RARB: variants seen among roughly 807,000 people sequenced by gnomAD.
RARB encodes retinoic acid receptor beta.
A neutral mutation model predicts 51.9 loss-of-function variants in RARB; 17 were observed. The observed-to-expected ratio is 0.33, with a 90% CI of 0.22 to 0.49. The LOEUF (loss-of-function observed/expected upper bound fraction) is 0.49. Ranked by LOEUF, RARB falls within the 20% of genes least tolerant of loss-of-function variation. The pLI, the probability that RARB is intolerant of heterozygous loss-of-function variation, is 0.99. For synonymous variants in RARB, 215 were observed against 195.4 expected, an observed-to-expected ratio of 1.10 and a Z score of -0.84; for missense variants, 369 against 550.8, an observed-to-expected ratio of 0.67 and a Z score of 3.30.
chr3:25,386,353 G>C (rs370159534), intron 5 of RARB, among the ~76,000 whole-genome samples: 1 of 152,208 alleles, frequency 6.6e-6, no homozygotes, highest in Non-Finnish European at 1.5e-5. Flanking sequence ...AGGTTAACAG[G>C]AGCTAGCATG....
In RARB at chr3:25,224,514, C is replaced by T. The variant is rs572489625; in HGVS notation, c.178+49939C>T. On this transcript the variant is annotated intron_variant, in intron 5 of 11. Coordinates refer to the RARB transcript ENST00000383772. Reference sequence around the variant, plus strand: ...ATTAATTATATGCCTTAAATGAAACCTTTGGCCTTTAAGATGTTTTCTCTC... The same window carrying T: ...ATTAATTATATGCCTTAAATGAAACTTTTGGCCTTTAAGATGTTTTCTCTC... Among the ~76,000 whole-genome samples, 35 of 152,244 alleles carry T rather than the reference C, an allele frequency of 2.3e-4. 1 individual carries two copies. In the South Asian group the frequency reaches 6.6e-3, roughly 29 times the overall value.
intron 5 of RARB, among the ~76,000 whole-genome samples, chr3:25,291,501 A>C (rs322671): frequency 7.1e-6 from 1 of 141,470 alleles, no homozygotes; most frequent in Non-Finnish European, 1.5e-5. Context: ...TTTTGAACAC[A>C]CACGGCTTGT....
At chr3:25,031,061 T>TA (rs1334768643) in intron 2 of RARB, among the ~76,000 whole-genome samples, 1 of 152,154 alleles carries the variant, frequency 6.6e-6, no homozygotes, top group African/African-American at 2.4e-5. Flanking sequence ...TGGGGCATGA[T>TA]ATGTTTTGTT....
chr3:24,860,378 G>A (rs1194547307), intron 2 of RARB, among the ~76,000 whole-genome samples: 1 of 152,180 alleles, frequency 6.6e-6, no homozygotes. Flanking sequence ...AACAGGACAT[G>A]AGAGAGTTGT....
Position 25,596,432 on chromosome 3 carries a change from T to C in RARB, c.1163T>C (p.Val388Ala), listed in dbSNP as rs1559485276. The C allele has an allele frequency of 6.2e-7, 1 of 1,611,500 alleles. No homozygotes were observed. The highest frequency in any genetic ancestry group is 1.1e-5 in the South Asian group (1 of 91,018). Residue 388 changes from valine to alanine, a missense_variant, in exon 8 of 8, where the codon GTA becomes GCA. Transcript: ENST00000330688. Reference sequence around the variant, plus strand: ...CTCTTTTGAAAAGGTGCAGAGCGTGTAATTACCTTGAAAATGGAAATTCCT... The same window carrying C: ...CTCTTTTGAAAAGGTGCAGAGCGTGCAATTACCTTGAAAATGGAAATTCCT... ...RSISAKGAER[V>A]ITLKMEIPGS...
At chr3:25,028,967 C>T (rs1335229894) in intron 2 of RARB, among the ~76,000 whole-genome samples, 2 of 152,202 alleles carry the variant, frequency 1.3e-5, no homozygotes, top group African/African-American at 2.4e-5. Flanking sequence ...GCCTGTTTGC[C>T]GCTGGCAAAG....
chr3:25,214,063 T>C (rs1199463017), intron 5 of RARB, among the ~76,000 whole-genome samples: 1 of 152,234 alleles, frequency 6.6e-6, no homozygotes, highest in Non-Finnish European at 1.5e-5. Context: ...TCTGTGAAGA[T>C]GCAATACATT....
intron 1 of RARB, among the ~76,000 whole-genome samples, chr3:24,851,928 T>C (rs926659996): frequency 6.6e-5 from 10 of 152,200 alleles, no homozygotes; most frequent in African/African-American, 1.9e-4. Flanking sequence ...TTAATGACAT[T>C]AGTAGAAATA....
intron 5 of RARB, chr3:25,260,022 C>T (rs1393572768): frequency 4.0e-5 from 39 of 981,270 alleles, no homozygotes; most frequent in Admixed American, 6.2e-5. Flanking sequence ...AACGTTTTTC[C>T]CCTTTCTCCT....
chr3:24,913,124 G>GCACCCGC lies in RARB; in HGVS notation c.-380+54377_-380+54383dup, dbSNP rs561667256. Among the ~76,000 whole-genome samples, 145 of 151,522 alleles carry GCACCCGC rather than the reference G, an allele frequency of 9.6e-4. 1 individual carries two copies. The highest frequency in any genetic ancestry group is 3.4e-3 in the African/African-American group (142 of 41,360). ...GCCTCCTGAGCAGCTAGGACTACAG[G>GCACCCGC]CACCCGCCACCACGCCCGGCTAATT... On this transcript the variant is annotated intron_variant, in intron 2 of 11. Transcript: ENST00000383772.
chr3:25,190,639 A>C (rs967004940), intron 5 of RARB, among the ~76,000 whole-genome samples: 1 of 152,098 alleles, frequency 6.6e-6, no homozygotes, highest in African/African-American at 2.4e-5. Context: ...AATTAATTCC[A>C]ATCTGTTTAT....
chr3:25,307,480 C>A (rs950089595), intron 5 of RARB, among the ~76,000 whole-genome samples: 3 of 152,120 alleles, frequency 2.0e-5, no homozygotes, highest in Non-Finnish European at 4.4e-5. Context: ...AGTCCCTTAG[C>A]CAACACACAA....
chr3:25,517,048 C>G (rs1042012119), intron 3 of RARB, among the ~76,000 whole-genome samples: 2 of 152,068 alleles, frequency 1.3e-5, no homozygotes, highest in African/African-American at 4.8e-5. Flanking sequence ...GCAATTAATC[C>G]AGCATTCGAA....
intron 2 of RARB, among the ~76,000 whole-genome samples, chr3:24,965,834 C>T (rs896758035): frequency 6.6e-6 from 1 of 151,998 alleles, no homozygotes; most frequent in African/African-American, 2.4e-5. Flanking sequence ...CCTGACCCTC[C>T]AGAAAAAAAT....
chr3:24,954,465 C>A (rs934636641), intron 2 of RARB, among the ~76,000 whole-genome samples: 1 of 152,128 alleles, frequency 6.6e-6, no homozygotes, highest in African/African-American at 2.4e-5. Flanking sequence ...AGGTCTGAGT[C>A]CTCTTTAGAA....
intron 3 of RARB, among the ~76,000 whole-genome samples, chr3:25,506,212 C>A (rs1166090638): frequency 6.4e-5 from 9 of 140,024 alleles, no homozygotes. Flanking sequence ...GAGATCGCAC[C>A]ATTGCACTCC....
chr3:25,174,697 C>A, intron 5 of RARB: 1 of 971,940 alleles, frequency 1.0e-6, no homozygotes, highest in Non-Finnish European at 1.4e-6. Flanking sequence ...TTCTTTTGGT[C>A]TTGAATTCTA....
At chr3:25,519,864 G>A (rs1698330016) in intron 3 of RARB, among the ~76,000 whole-genome samples, 1 of 152,146 alleles carries the variant, frequency 6.6e-6, no homozygotes, top group Admixed American at 6.6e-5. Context: ...AAAAATTGAG[G>A]CCAATACTGT....
Position 25,414,072 on chromosome 3 carries a change from T to TA in RARB, c.179-47121_179-47120insA, listed in dbSNP as rs569923142. On this transcript the variant is annotated intron_variant, in intron 5 of 11. Transcript: ENST00000383772. ...GTAATCTTGCCCTCCTGTCGCTCCC[T>TA]TTTCCCTAAGCCCTGTCTCTAGGCA... 8.7e-4 allele frequency among the ~76,000 whole-genome samples: 76 copies of TA among 86,962 alleles called. No individual in the cohort carries two copies. In the South Asian group the frequency reaches 0.029, roughly 33 times the overall value. The allele number at this position is 86,962 out of a possible 152,430, so 57.1% of individuals were successfully genotyped here.
Sources: gnomAD v4.1 joint callset for allele counts (sites outside exome capture counted in the v4.1 genomes callset) on GRCh38, gnomAD v4.1.1 for gene constraint, MANE v1.5 for transcripts, NCBI Gene and HGNC (gene_info 2026-07-23, HGNC 2026-07-21) for gene names.